The following KIAA1217 variants were observed in gnomAD, a reference collection of about 807,000 sequenced individuals.
KIAA1217 encodes KIAA1217.
A neutral mutation model predicts 163.9 loss-of-function variants in KIAA1217; 88 were observed. That is an observed-to-expected ratio of 0.54 (90% CI 0.45 to 0.64). The LOEUF is 0.64. Among genes scored for constraint, KIAA1217 ranks in the 30% least tolerant of loss-of-function variants. The pLI, the probability that KIAA1217 is intolerant of heterozygous loss-of-function variation, is 0.00. For synonymous variants in KIAA1217, 903 were observed against 923.1 expected (o/e 0.98, Z 0.39); for missense variants, 2,372 against 2,475.0 (o/e 0.96, Z 0.88).
rs767212277 is a variant in KIAA1217 at position 24,474,042 on chromosome 10, C to G, written c.1661C>G (p.Pro554Arg). The change falls in exon 6 of 21, where the codon CCC becomes CGC. Residue 554 changes from proline to arginine, a missense_variant. By Grantham distance (103) the Pro-to-Arg change is moderately radical. Coordinates refer to ENST00000376454, the MANE Select transcript of KIAA1217 (RefSeq NM_019590.5). ...QVFAYSTATI[P>R]KDRETRERMQ... ...TTTGCCTACAGCACGGCGACAATAC[C>G]CAAAGACAGAGAGACCAGGTAAGGT... The G allele has an allele frequency of 1.2e-6, 2 of 1,605,708 alleles. No homozygotes were observed. Among genetic ancestry groups the G allele is most frequent in the Non-Finnish European group, 1.7e-6 (2 of 1,175,262 alleles).
At position 24,373,797 on chromosome 10, in the gene KIAA1217, C is replaced by T. The variant is rs150089702; in HGVS notation, c.355-7072C>T. Among the ~76,000 whole-genome samples the T allele has an allele frequency of 4.9e-4, 75 of 152,242 alleles. No individual in the cohort carries two copies. The East Asian group carries it at 0.013, about 27-fold the overall frequency. On this transcript the variant is annotated intron_variant, in intron 2 of 20. Transcript: ENST00000376454. Reference sequence around the variant, plus strand: ...CAGAGGGGTCCTGCCTGGCTCACTTCGCTCCACACAGAGGATGCCTCAGTG... The same window carrying T: ...CAGAGGGGTCCTGCCTGGCTCACTTTGCTCCACACAGAGGATGCCTCAGTG...
chr10:24,288,101 A>T (rs759117260), intron 2 of KIAA1217, among the ~76,000 whole-genome samples: 5 of 152,178 alleles, frequency 3.3e-5, no homozygotes, highest in African/African-American at 4.8e-5. Flanking sequence ...TTTTAAAATG[A>T]CATAGTAGAC....
chr10:23,872,284 G>T (rs935187530), intron 1 of KIAA1217, among the ~76,000 whole-genome samples: 1 of 147,316 alleles, frequency 6.8e-6, no homozygotes, highest in Non-Finnish European at 1.5e-5. Context: ...ATCTGGGTAG[G>T]ACCAATAGAT....
intron 1 of KIAA1217, among the ~76,000 whole-genome samples, chr10:23,918,544 G>A (rs1050855762): frequency 6.6e-6 from 1 of 151,968 alleles, no homozygotes; most frequent in African/African-American, 2.4e-5. Context: ...CCATTCCCAC[G>A]GTAGCTCCAG....
At chr10:24,158,720 G>T in intron 2 of KIAA1217, 1 of 505,098 alleles carries the variant, frequency 2.0e-6, no homozygotes, top group South Asian at 1.5e-5. Context: ...GATTCTACTA[G>T]TGATTATCAG....
chr10:24,517,864 G>A (rs376042594), intron 10 of KIAA1217, among the ~76,000 whole-genome samples: 24 of 152,152 alleles, frequency 1.6e-4, no homozygotes, highest in Admixed American at 4.6e-4. Flanking sequence ...GCATGGTGGC[G>A]GGCACCTGTA....
intron 2 of KIAA1217, among the ~76,000 whole-genome samples, chr10:24,109,928 C>T (rs191325095): frequency 2.0e-5 from 3 of 152,332 alleles, no homozygotes; most frequent in African/African-American, 4.8e-5. Context: ...TGCAGTGGCA[C>T]GATCACTGCT....
intron 2 of KIAA1217, among the ~76,000 whole-genome samples, chr10:24,314,668 G>A (rs1365281440): frequency 1.3e-5 from 2 of 152,264 alleles, no homozygotes; most frequent in Admixed American, 6.5e-5. Flanking sequence ...TTGGCCGGGT[G>A]CAGTGGCTCA....
At chr10:24,230,779 C>T (rs944841540) in intron 2 of KIAA1217, among the ~76,000 whole-genome samples, 6 of 152,122 alleles carry the variant, frequency 3.9e-5, no homozygotes, top group Non-Finnish European at 8.8e-5. Flanking sequence ...GATCCACCCA[C>T]CTTGGCCTCC....
chr10:24,123,002 A>G (rs1021487079), intron 2 of KIAA1217, among the ~76,000 whole-genome samples: 5 of 152,080 alleles, frequency 3.3e-5, no homozygotes, highest in Non-Finnish European at 5.9e-5. Context: ...AGAATAAAAT[A>G]GAGCCCATTA....
chr10:24,072,398 T>C (rs1213458170), intron 2 of KIAA1217, among the ~76,000 whole-genome samples: 4 of 152,212 alleles, frequency 2.6e-5, no homozygotes, highest in African/African-American at 9.6e-5. Context: ...TTAATGTGGA[T>C]ATGCTACATT....
At chr10:24,152,319 G>T (rs1230544273) in intron 2 of KIAA1217, among the ~76,000 whole-genome samples, 3 of 152,102 alleles carry the variant, frequency 2.0e-5, no homozygotes, top group Non-Finnish European at 2.9e-5. Context: ...TATTCTTATT[G>T]TAGTAAATAT....
At chr10:23,846,861 G>A (rs994295122) in intron 1 of KIAA1217, among the ~76,000 whole-genome samples, 11 of 152,174 alleles carry the variant, frequency 7.2e-5, no homozygotes, top group African/African-American at 2.4e-4. Flanking sequence ...GTATGATATT[G>A]GCTGTGGGTT....
chr10:24,050,123 C>T (rs1452386749), intron 2 of KIAA1217, among the ~76,000 whole-genome samples: 1 of 152,184 alleles, frequency 6.6e-6, no homozygotes, highest in Non-Finnish European at 1.5e-5. Flanking sequence ...AATGTCTGTT[C>T]ATATCCTTCG....
chr10:23,958,545 A>G lies in KIAA1217; in HGVS notation c.-320-48680A>G, dbSNP rs553846805. Among the ~76,000 whole-genome samples, 14 of 152,370 alleles carry G rather than the reference A, an allele frequency of 9.2e-5. No homozygotes were observed. The South Asian group carries it at 2.1e-3, about 23-fold the overall frequency. ...TGCACAAAGCAAGGTTTCTTTGTAT[A>G]TTGAAATCAAATGCACATTTAATAT... On this transcript the variant is annotated intron_variant, in intron 1 of 18. Transcript: ENST00000376462.
intron 2 of KIAA1217, among the ~76,000 whole-genome samples, chr10:24,380,408 C>A (rs1403203010): frequency 6.6e-6 from 1 of 152,010 alleles, no homozygotes; most frequent in African/African-American, 2.4e-5. Flanking sequence ...GGCGGATCAC[C>A]TGAGGTCAGG....
At chr10:23,928,648 A>T (rs900371558) in intron 1 of KIAA1217, among the ~76,000 whole-genome samples, 7 of 152,186 alleles carry the variant, frequency 4.6e-5, no homozygotes, top group African/African-American at 1.4e-4. Flanking sequence ...AATTACACTC[A>T]TACAATTACA....
At chr10:24,263,407 A>G (rs1318070145) in intron 2 of KIAA1217, among the ~76,000 whole-genome samples, 1 of 151,398 alleles carries the variant, frequency 6.6e-6, no homozygotes, top group Non-Finnish European at 1.5e-5. Flanking sequence ...CTTGCAGGAA[A>G]CTCTTGCAAC....
intron 1 of KIAA1217, among the ~76,000 whole-genome samples, chr10:23,863,705 A>G (rs1056498235): frequency 2.0e-5 from 3 of 152,198 alleles, no homozygotes; most frequent in African/African-American, 7.2e-5. Context: ...CTTAGGTACT[A>G]TCTAAACCAG....
Sources: allele counts gnomAD v4.1 joint callset (sites outside exome capture counted in the v4.1 genomes callset), GRCh38; gene constraint gnomAD v4.1.1; transcripts MANE v1.5; gene names NCBI Gene and HGNC (gene_info 2026-07-23, HGNC 2026-07-21).